MAP9: variants seen among roughly 807,000 people sequenced by gnomAD.
The protein encoded by MAP9 is microtubule associated protein 9.
A neutral mutation model predicts 75.2 loss-of-function variants in MAP9; 80 were observed. That is an observed-to-expected ratio of 1.06 (90% CI 0.89 to 1.28). The LOEUF is 1.28. MAP9 is among the 50% of genes most tolerant of loss of function. The pLI is 0.00. For synonymous variants in MAP9, 235 were observed against 237.3 expected (o/e 0.99, Z 0.09); for missense variants, 753 against 719.9 (o/e 1.05, Z -0.53).
At chr4:155,371,497 C>T (rs1732592145) in intron 4 of MAP9, among the ~76,000 whole-genome samples, 1 of 150,834 alleles carries the variant, frequency 6.6e-6, no homozygotes, top group Non-Finnish European at 1.5e-5. Flanking sequence ...ATTCCACTTC[C>T]AGAAGTACTG....
Position 155,375,934 on chromosome 4 carries a change from T to C in MAP9, c.-64-20A>G. On this transcript the variant is annotated intron_variant, in intron 1 of 13. Transcript: ENST00000311277. Reference sequence around the variant, plus strand: ...TAGTAGCTGAAATATACAAAACAAATCAGACTTCGCATGCTTCAGAATTTA... The same window carrying C: ...TAGTAGCTGAAATATACAAAACAAACCAGACTTCGCATGCTTCAGAATTTA... 4.5e-6 allele frequency: 4 copies of C among 894,412 alleles called. No individual in the cohort carries two copies. In the East Asian group the frequency reaches 9.8e-5, roughly 22 times the overall value. The allele number at this position is 894,412 out of a possible 1,614,324, so 55.4% of individuals were successfully genotyped here.
chr4:155,351,350 A>G (rs1336972927), intron 13 of MAP9: 5 of 152,012 alleles, frequency 3.3e-5, no homozygotes, highest in African/African-American at 1.2e-4. Flanking sequence ...ATGTTAAAAC[A>G]TTAAGATATT....
intron 8 of MAP9, among the ~76,000 whole-genome samples, chr4:155,356,180 T>C (rs1731778345): frequency 6.6e-6 from 1 of 152,020 alleles, no homozygotes; most frequent in Non-Finnish European, 1.5e-5. Context: ...GGTGGGAGGA[T>C]AGCTTGAGCC....
rs1042831059 is a variant in MAP9, at chr4:155,343,678, T to A, written c.*4105A>T. 4 of 139,342 alleles carry A rather than the reference T, an allele frequency of 2.9e-5. No individual in the cohort carries two copies. The highest frequency in any genetic ancestry group is 1.1e-4 in the African/African-American group (4 of 35,268). 8.6% of individuals were successfully genotyped at this position (139,342 alleles called of 1,614,324 possible). A position where few individuals can be genotyped will look rare whatever the true frequency, so the allele number is the denominator to read the frequency against. ...ATAAAATAAATCTTGAATGGTTGAT[T>A]TTAATACACTAAACATTACATGAAA... On this transcript the variant is annotated 3_prime_UTR_variant, in exon 14 of 14. Transcript: ENST00000311277.
intron 13 of MAP9, among the ~76,000 whole-genome samples, chr4:155,348,614 T>C (rs192257475): frequency 4.5e-4 from 69 of 152,334 alleles, no homozygotes; most frequent in Non-Finnish European, 7.2e-4. Context: ...TTTTTACAAA[T>C]AGTTAAAAAT....
chr4:155,373,502 T>C (rs563665788), intron 3 of MAP9, 46 bp from the exon 4 acceptor site: 3 of 1,299,936 alleles, frequency 2.3e-6, no homozygotes, highest in East Asian at 2.6e-5. Context: ...TTTTTAAAAA[T>C]TGTCAAGGTT....
chr4:155,368,901 G>A, intron 4 of MAP9, 89 bp from the exon 5 acceptor site: 1 of 1,032,326 alleles, frequency 9.7e-7, no homozygotes, highest in Non-Finnish European at 1.4e-6. Context: ...TCCCTCCTGT[G>A]CCTATGCCCC....
chr4:155,349,967 A>T (rs1216457283), intron 13 of MAP9: 3 of 213,900 alleles, frequency 1.4e-5, no homozygotes, highest in African/African-American at 2.4e-5. Context: ...AGTAATTAAA[A>T]GAACCTTGTT....
intron 3 of MAP9, among the ~76,000 whole-genome samples, chr4:155,374,414 T>C (rs1281352308): frequency 6.6e-6 from 1 of 152,216 alleles, no homozygotes; most frequent in Non-Finnish European, 1.5e-5. Flanking sequence ...AATGTTAATA[T>C]GTTTACATAG....
At position 155,360,308 on chromosome 4, in the gene MAP9, C is replaced by G. The variant is rs1732012078; in HGVS notation, c.910G>C (p.Glu304Gln). The G allele has an allele frequency of 6.2e-7, 1 of 1,613,002 alleles. No individual in the cohort carries two copies. The highest frequency in any genetic ancestry group is 8.5e-7 in the Non-Finnish European group (1 of 1,179,392). ...AGGTCATCAGCAGTCACTTGACTTT[C>G]CTTGGATTTCTCAACTGCAGTAGTC... ...HVTTAVEKSKESQVTADDLEE... is the reference protein window; with the variant it reads ...HVTTAVEKSKQSQVTADDLEE... The change falls in exon 7 of 14, where the codon GAA becomes CAA. Residue 304 changes from glutamate to glutamine, a missense_variant. Transcript: ENST00000311277.
At chr4:155,352,395 T>G in intron 13 of MAP9, 1 of 453,868 alleles carries the variant, frequency 2.2e-6, no homozygotes, top group Non-Finnish European at 3.8e-6. Flanking sequence ...CCTGGGTGTT[T>G]GAGGGAATAG....
intron 13 of MAP9, among the ~76,000 whole-genome samples, chr4:155,348,953 C>T (rs1363586982): frequency 6.7e-6 from 1 of 150,326 alleles, no homozygotes; most frequent in East Asian, 2.0e-4. Flanking sequence ...AGATATGGTC[C>T]CTGTCCCCCA....
At chr4:155,360,584 T>A in intron 6 of MAP9, 169 bp from the exon 7 acceptor site, 1 of 616,482 alleles carries the variant, frequency 1.6e-6, no homozygotes, top group Non-Finnish European at 2.6e-6. Flanking sequence ...TCGAAAGTGA[T>A]TTACAAAAAA....
chr4:155,375,807 C>A lies in MAP9; in HGVS notation c.44G>T (p.Ser15Ile), dbSNP rs1223335075. 3.7e-6 allele frequency: 6 copies of A among 1,610,792 alleles called. No homozygotes were observed. In the South Asian group the frequency reaches 6.6e-5, roughly 18 times the overall value. ...VFSTTLAYTK[S>I]PKVTKRTTFQ... is the part of the protein sequence containing the mutation. ...AGTAGTTCTTTTGGTAACTTTTGGA[C>A]TCTTTGTATATGCCAAAGTGGTGCT... The change falls in exon 2 of 14, where the codon AGT (serine) becomes ATT (isoleucine). Residue 15 changes from serine to isoleucine, a missense_variant. Ser to Ile is a moderately radical substitution (Grantham distance 142). Coordinates refer to ENST00000311277, the MANE Select transcript of MAP9 (RefSeq NM_001039580.2).
chr4:155,359,790 C>T (rs766485163), intron 7 of MAP9, among the ~76,000 whole-genome samples: 7 of 151,970 alleles, frequency 4.6e-5, no homozygotes, highest in Admixed American at 1.3e-4. Flanking sequence ...ATTGTTAACA[C>T]GTTTTAAAAC....
chr4:155,374,333 C>T (rs1274108626), intron 3 of MAP9, among the ~76,000 whole-genome samples: 1 of 91,484 alleles, frequency 1.1e-5, no homozygotes, highest in Non-Finnish European at 2.0e-5. Flanking sequence ...AGCGAGACTC[C>T]ATCTCAAAAA....
At chr4:155,357,670 C>A in intron 7 of MAP9, 151 bp from the exon 8 acceptor site, 1 of 605,870 alleles carries the variant, frequency 1.7e-6, no homozygotes, top group Non-Finnish European at 2.9e-6. Flanking sequence ...AATAAAATGC[C>A]CTTAAGAATA....
intron 2 of MAP9, among the ~76,000 whole-genome samples, chr4:155,375,327 C>T (rs1161183869): frequency 1.3e-5 from 2 of 151,972 alleles, no homozygotes; most frequent in Non-Finnish European, 2.9e-5. Context: ...TAAGAAGGGG[C>T]TCAATTTAGA....
chr4:155,362,930 TGAG>T (rs1732154575), intron 5 of MAP9: 1 of 152,206 alleles, frequency 6.6e-6, no homozygotes, highest in Admixed American at 6.5e-5. Context: ...AAGCTTCACC[TGAG>T]GAGATCTGCA....
Sources: gnomAD v4.1 joint callset for allele counts (sites outside exome capture counted in the v4.1 genomes callset) on GRCh38, gnomAD v4.1.1 for gene constraint, MANE v1.5 for transcripts, NCBI Gene and HGNC (gene_info 2026-07-23, HGNC 2026-07-21) for gene names.